The following GPM6A variants were observed in gnomAD, a reference collection of about 807,000 sequenced individuals.
GPM6A encodes neuronal membrane glycoprotein M6-a.
GPM6A carries 7 observed loss-of-function variants against 32.1 expected under a neutral mutation model. The ratio of observed to expected loss-of-function variants is 0.22; its 90% CI spans 0.12 to 0.41. GPM6A has a LOEUF of 0.41. GPM6A is among the 10% of genes least tolerant of loss of function. The pLI is 1.00. For missense variants in GPM6A, 235 were observed against 347.2 expected (o/e 0.68, Z 2.57); for synonymous variants, 130 against 123.4 (o/e 1.05, Z -0.35).
intron 1 of GPM6A, among the ~76,000 whole-genome samples, chr4:175,765,129 C>T (rs1732912300): frequency 6.8e-6 from 1 of 147,816 alleles, no homozygotes; most frequent in South Asian, 2.2e-4. Context: ...CCACCTCGGC[C>T]CCCACAAAGT....
At chr4:175,807,310 A>G (rs1407454774) in intron 1 of GPM6A, 1 of 152,210 alleles carries the variant, frequency 6.6e-6, no homozygotes, top group Non-Finnish European at 1.5e-5. Context: ...GTTGAAATTT[A>G]ATACATTAAA....
chr4:175,990,111 G>A (rs1282510883), intron 1 of GPM6A, among the ~76,000 whole-genome samples: 1 of 152,144 alleles, frequency 6.6e-6, no homozygotes, highest in African/African-American at 2.4e-5. Flanking sequence ...ATTTGTTTGT[G>A]CTTGTTCTTG....
intron 1 of GPM6A, among the ~76,000 whole-genome samples, chr4:175,958,472 G>A (rs1740059100): frequency 6.6e-6 from 1 of 152,176 alleles, no homozygotes; most frequent in Non-Finnish European, 1.5e-5. Context: ...GAACCATAAA[G>A]CCACTTTCAA....
rs561095012 is a variant in GPM6A at position 175,991,152 on chromosome 4, G to C, written c.-23+11157C>G. ...GTAGCATGATCTCACTGCAACTTCT[G>C]CCTCCTGGGTTCAAACGATTCTCCT... On this transcript the variant is annotated intron_variant, in intron 1 of 7. Transcript: ENST00000280187. 2.1e-5 allele frequency among the ~76,000 whole-genome samples: 3 copies of C among 146,286 alleles called. No homozygotes were observed. In the South Asian group the frequency reaches 6.4e-4, roughly 31 times the overall value.
chr4:175,859,534 C>T (rs558486345), intron 1 of GPM6A, among the ~76,000 whole-genome samples: 31 of 152,270 alleles, frequency 2.0e-4, no homozygotes, highest in Non-Finnish European at 3.5e-4. Context: ...TATATCCATA[C>T]GCTTCTATGA....
At chr4:175,763,423 A>G (rs764027927) in intron 1 of GPM6A, among the ~76,000 whole-genome samples, 2 of 152,170 alleles carry the variant, frequency 1.3e-5, no homozygotes, top group Non-Finnish European at 2.9e-5. Context: ...TTTAATGGTA[A>G]TATTATTTTT....
intron 1 of GPM6A, among the ~76,000 whole-genome samples, chr4:175,731,013 C>T (rs764984959): frequency 2.0e-5 from 3 of 152,128 alleles, no homozygotes; most frequent in Admixed American, 6.6e-5. Flanking sequence ...CTTTTCTTGT[C>T]GACCATTCAA....
At chr4:175,839,536 A>G (rs1042952632) in intron 1 of GPM6A, among the ~76,000 whole-genome samples, 1 of 152,176 alleles carries the variant, frequency 6.6e-6, no homozygotes, top group Non-Finnish European at 1.5e-5. Context: ...TGAGAGCAGT[A>G]TTTATATTAT....
At chr4:175,989,141 T>G (rs1043625254) in intron 1 of GPM6A, among the ~76,000 whole-genome samples, 2 of 152,086 alleles carry the variant, frequency 1.3e-5, no homozygotes, top group Admixed American at 6.6e-5. Context: ...AAGGCTTTAC[T>G]GAAAAATGAA....
intron 1 of GPM6A, among the ~76,000 whole-genome samples, chr4:175,876,225 C>T (rs915305406): frequency 6.6e-6 from 1 of 152,092 alleles, no homozygotes; most frequent in African/African-American, 2.4e-5. Context: ...AGTGTGGTGA[C>T]AATCCCATGA....
chr4:175,896,831 A>T (rs971060559), intron 1 of GPM6A, among the ~76,000 whole-genome samples: 3 of 152,198 alleles, frequency 2.0e-5, no homozygotes, highest in Admixed American at 2.0e-4. Flanking sequence ...CAATGAAAAG[A>T]CATTGATGTT....
At chr4:175,997,920 G>A (rs1006840662) in intron 1 of GPM6A, among the ~76,000 whole-genome samples, 21 of 152,054 alleles carry the variant, frequency 1.4e-4, no homozygotes, top group Non-Finnish European at 2.8e-4. Flanking sequence ...CATGCAGTTG[G>A]CATCCTTCTT....
intron 1 of GPM6A, chr4:175,962,162 C>G: frequency 1.1e-6 from 1 of 921,814 alleles, no homozygotes. Context: ...AGCATCAACC[C>G]AAGGTGATCG....
At chr4:175,915,600 C>G (rs746115919) in intron 1 of GPM6A, among the ~76,000 whole-genome samples, 4 of 152,062 alleles carry the variant, frequency 2.6e-5, no homozygotes, top group Non-Finnish European at 4.4e-5. Flanking sequence ...AGACCAATCA[C>G]CCTGTAGAAA....
In GPM6A at chr4:175,679,429, G is replaced by T. The variant is rs1447464643; in HGVS notation, c.231-5593C>A. Among the ~76,000 whole-genome samples the T allele has an allele frequency of 2.0e-5, 3 of 152,176 alleles. No individual in the cohort carries two copies. The East Asian group carries it at 5.8e-4, about 29-fold the overall frequency. ...ATTTTCATCATCTAGTTAAGATGAT[G>T]TCTGATTTCTGTACTGTGTACTACT... On this transcript the variant is annotated intron_variant, in intron 2 of 6. Transcript: ENST00000393658.
intron 1 of GPM6A, among the ~76,000 whole-genome samples, chr4:175,809,738 G>T (rs1560945199): frequency 6.6e-6 from 1 of 152,016 alleles, no homozygotes; most frequent in Non-Finnish European, 1.5e-5. Flanking sequence ...GAGGGGAGTG[G>T]GCTCTCACTA....
At chr4:175,874,143 G>A (rs1022602719) in intron 1 of GPM6A, among the ~76,000 whole-genome samples, 2 of 152,072 alleles carry the variant, frequency 1.3e-5, no homozygotes, top group Admixed American at 6.6e-5. Context: ...TATTCCTTAC[G>A]GCAGGTGGAA....
intron 1 of GPM6A, among the ~76,000 whole-genome samples, chr4:175,948,411 T>C (rs6840515): frequency 0.97 from 148,143 of 152,250 alleles, 72,193 homozygotes; most frequent in East Asian, 1. Flanking sequence ...GGGCCCTCGC[T>C]GAGAACCTGA....
chr4:175,786,568 T>G (rs898309096), intron 1 of GPM6A, among the ~76,000 whole-genome samples: 1 of 152,064 alleles, frequency 6.6e-6, no homozygotes, highest in East Asian at 1.9e-4. Flanking sequence ...CAGCACCTTC[T>G]CCTGCCATTC....
Sources: gnomAD v4.1 joint callset for allele counts (sites outside exome capture counted in the v4.1 genomes callset) on GRCh38, gnomAD v4.1.1 for gene constraint, MANE v1.5 for transcripts, NCBI Gene and HGNC (gene_info 2026-07-23, HGNC 2026-07-21) for gene names.